The following TEAD4 variants were observed in gnomAD, a reference collection of about 807,000 sequenced individuals.
The protein encoded by TEAD4 is TEA domain transcription factor 4.
TEAD4 carries 36 observed loss-of-function variants against 52.4 expected under a neutral mutation model. That is an observed-to-expected ratio of 0.69 (90% confidence interval 0.53 to 0.91). TEAD4 has a LOEUF of 0.91. Among genes scored for constraint, TEAD4 ranks in the 40% least tolerant of loss-of-function variants. The pLI is 0.00. For synonymous variants in TEAD4, 220 were observed against 231.0 expected, an observed-to-expected ratio of 0.95 and a Z score of 0.43; for missense variants, 508 against 583.9, an observed-to-expected ratio of 0.87 and a Z score of 1.34.
intron 5 of TEAD4, among the ~76,000 whole-genome samples, chr12:3,015,525 ACTGAGCCTCTCTGAGCCTCC>A (rs1407511893): frequency 2.0e-5 from 3 of 152,236 alleles, no homozygotes; most frequent in Admixed American, 6.5e-5. Context: ...GCGGGGGAGC[ACTGAGCCTCTCTGAGCCTCC>A]CTGAGCCTCC....
At position 2,960,193 on chromosome 12, in the gene TEAD4, G is replaced by T. The variant is rs547674143; in HGVS notation, c.-30+153G>T. 7.8e-4 allele frequency: 503 copies of T among 642,940 alleles called. 4 individuals carry two copies. In the African/African-American group the frequency reaches 8.9e-3, roughly 11 times the overall value. The allele number at this position is 642,940 out of a possible 1,614,324, so 39.8% of individuals were successfully genotyped here. On this transcript the variant is annotated intron_variant, in intron 2 of 12. Coordinates refer to ENST00000359864, the MANE Select transcript of TEAD4 (RefSeq NM_003213.4). ...TGCTGGAGGCGAAGCGGCTCCAGGG[G>T]CGGGTAAGGGGGGTGGACACTCGGG...
chr12:2,964,061 G>A lies in TEAD4; in HGVS notation c.-30+4021G>A, dbSNP rs566473208. On this transcript the variant is annotated intron_variant, in intron 2 of 12. Transcript: ENST00000359864. ...GAGGGTTGGGGGCAGTGCAGAGGGC[G>A]CTGGGGAGGGGCTGATGACACATAG... 3.3e-5 allele frequency among the ~76,000 whole-genome samples: 5 copies of A among 152,140 alleles called. No homozygotes were observed. The South Asian group carries it at 1.0e-3, about 32-fold the overall frequency.
chr12:3,023,043 C>G (rs1236851801), intron 10 of TEAD4, among the ~76,000 whole-genome samples: 1 of 152,230 alleles, frequency 6.6e-6, no homozygotes, highest in Non-Finnish European at 1.5e-5. Flanking sequence ...CGGTGAGCAG[C>G]TCCCAGCCTG....
At chr12:3,003,886 G>GGGACAA (rs1294512865) in intron 3 of TEAD4, among the ~76,000 whole-genome samples, 1 of 152,228 alleles carries the variant, frequency 6.6e-6, no homozygotes, top group African/African-American at 2.4e-5. Context: ...GGGCAGAGCT[G>GGGACAA]GGACAAGGAC....
rs182596922 is a variant in TEAD4 at position 2,997,644 on chromosome 12, G to A, written c.226+2652G>A. The stretch of plus-strand genomic sequence containing the variant: ...TGTGCTTTAGAGACAGAGGTGGGCC[G>A]GAAAACGAAAGTGTGCATGAGGCAT... On this transcript the variant is annotated intron_variant, in intron 3 of 12. Transcript: ENST00000359864. 1.2e-3 allele frequency among the ~76,000 whole-genome samples: 176 copies of A among 152,156 alleles called. 1 individual carries two copies. Among genetic ancestry groups the A allele is most frequent in the African/African-American group, 3.5e-3 (146 of 41,500 alleles).
chr12:2,960,246 G>A (rs2098214214), intron 2 of TEAD4: 16 of 975,202 alleles, frequency 1.6e-5, no homozygotes, highest in Middle Eastern at 5.2e-4. Context: ...GGCCGGTGTG[G>A]AAAGGACCGG....
intron 2 of TEAD4, among the ~76,000 whole-genome samples, chr12:2,978,694 G>A (rs2098231823): frequency 6.6e-6 from 1 of 151,880 alleles, no homozygotes; most frequent in Non-Finnish European, 1.5e-5. Context: ...GTGAACCACT[G>A]CGCCTGACAA....
At chr12:3,038,228 C>CCTT in intron 11 of TEAD4, 120 bp downstream of exon 11, 2 of 1,318,232 alleles carry the variant, frequency 1.5e-6, no homozygotes. Context: ...TCCCTTGTTG[C>CCTT]CTTCCCTGTC....
intron 2 of TEAD4, among the ~76,000 whole-genome samples, chr12:2,964,838 CTCTTG>C (rs997933426): frequency 6.6e-6 from 1 of 152,062 alleles, no homozygotes; most frequent in Non-Finnish European, 1.5e-5. Context: ...AGGCGGAGGA[CTCTTG>C]TCTTGCCTCC....
intron 3 of TEAD4, among the ~76,000 whole-genome samples, chr12:3,003,796 G>A (rs1037598213): frequency 4.6e-5 from 7 of 152,166 alleles, no homozygotes; most frequent in African/African-American, 1.7e-4. Context: ...GTTGCAATGC[G>A]CAGCTGCCTG....
At chr12:3,020,088 T>C (rs1351594778) in intron 8 of TEAD4, among the ~76,000 whole-genome samples, 1 of 152,122 alleles carries the variant, frequency 6.6e-6, no homozygotes, top group African/African-American at 2.4e-5. Flanking sequence ...CCCTGGTGCC[T>C]TCAGGACACG....
chr12:3,020,823 C>CT, intron 9 of TEAD4, 50 bp downstream of exon 9: 1 of 1,489,498 alleles, frequency 6.7e-7, no homozygotes, highest in Non-Finnish European at 9.0e-7. Context: ...CCCTCTCCCT[C>CT]TGTTTCTGCT....
Position 3,021,875 on chromosome 12 carries a change from A to G in TEAD4, c.755A>G (p.Gln252Arg). ...AAGCACCTGTTCGTGCACATTGGCC[A>G]GTCCAGCCCAAGCTACAGCGACCCC... The change falls in exon 10 of 13, where the codon CAG becomes CGG. Residue 252 changes from glutamine to arginine, a missense_variant. Physicochemically the swap from Gln to Arg is conservative, Grantham distance 43. Coordinates refer to ENST00000359864, the MANE Select transcript of TEAD4 (RefSeq NM_003213.4). 4.3e-6 allele frequency: 7 copies of G among 1,614,242 alleles called. No individual in the cohort carries two copies. Among genetic ancestry groups the G allele is most frequent in the Non-Finnish European group, 5.9e-6 (7 of 1,180,048 alleles).
At position 2,994,577 on chromosome 12, in the gene TEAD4, G is replaced by A. The variant is rs534739210; in HGVS notation, c.-29-161G>A. On this transcript the variant is annotated intron_variant, in intron 2 of 12. Transcript: ENST00000359864. This position sits in a 1 kb window ranked among gnomAD's most constrained non-coding sequence, Gnocchi z 4.7. ...AAGATGAGCTCTCCAGAGGGGATGG[G>A]ACCTGTTCAAGACCCCAGGCCTGAT... 9.8e-5 allele frequency among the ~76,000 whole-genome samples: 15 copies of A among 152,294 alleles called. No homozygotes were observed. Among genetic ancestry groups the A allele is most frequent in the South Asian group, 2.1e-4 (1 of 4,822 alleles).
intron 6 of TEAD4, 103 bp downstream of exon 6, chr12:3,017,629 C>G (rs963143266): frequency 8.3e-6 from 12 of 1,439,734 alleles, no homozygotes; most frequent in Middle Eastern, 2.2e-4. Flanking sequence ...TTTCTCTCAC[C>G]TGAGTCCTCT....
intron 2 of TEAD4, among the ~76,000 whole-genome samples, chr12:2,965,375 A>G (rs7963997): frequency 0.62 from 93,603 of 151,020 alleles, 29,257 homozygotes; most frequent in African/African-American, 0.66. Context: ...GTCCAGGCAG[A>G]ACTCAAACTC....
chr12:3,001,415 A>G (rs1262007202), intron 3 of TEAD4, among the ~76,000 whole-genome samples: 2 of 152,148 alleles, frequency 1.3e-5, no homozygotes, highest in African/African-American at 4.8e-5. Context: ...CTCTGCCCCT[A>G]TAGCCGCTGG....
chr12:2,976,649 C>T (rs1387714348), intron 2 of TEAD4, among the ~76,000 whole-genome samples: 1 of 152,186 alleles, frequency 6.6e-6, no homozygotes, highest in Non-Finnish European at 1.5e-5. Context: ...TACCCACGCC[C>T]CTGACGCCGA....
At chr12:2,992,315 G>T (rs560606698) in intron 2 of TEAD4, among the ~76,000 whole-genome samples, 4 of 151,862 alleles carry the variant, frequency 2.6e-5, no homozygotes, top group Non-Finnish European at 5.9e-5. Flanking sequence ...CACTGCGCCC[G>T]GCTGGTTCCT....
Sources: allele counts gnomAD v4.1 joint callset (sites outside exome capture counted in the v4.1 genomes callset), GRCh38; gene constraint gnomAD v4.1.1; non-coding constraint Gnocchi (gnomAD v3.1); transcripts MANE v1.5; gene names NCBI Gene and HGNC (gene_info 2026-07-23, HGNC 2026-07-21).